Variants in ASTN1 observed in about 807,000 individuals in gnomAD.
ASTN1 encodes astrotactin 1, also known as astrotactin-1.
In ASTN1, 41 loss-of-function variants were observed where a neutral mutation model predicts 140.7. The ratio of observed to expected loss-of-function variants is 0.29; its 90% CI spans 0.23 to 0.38. The LOEUF (loss-of-function observed/expected upper bound fraction) is 0.38. ASTN1 is among the 10% of genes least tolerant of loss of function. ASTN1 has a pLI of 1.00. For synonymous variants in ASTN1, 640 were observed against 652.2 expected (o/e 0.98, Z 0.29); for missense variants, 1,479 against 1,678.8 (o/e 0.88, Z 2.08).
At chr1:176,942,915 T>C (rs1434315258) in intron 14 of ASTN1, among the ~76,000 whole-genome samples, 3 of 138,204 alleles carry the variant, frequency 2.2e-5, no homozygotes, top group Non-Finnish European at 4.7e-5. Flanking sequence ...AGCTGTGCCC[T>C]TACCACCTTG....
intron 8 of ASTN1, among the ~76,000 whole-genome samples, chr1:176,989,984 T>A (rs1674083873): frequency 6.6e-6 from 1 of 152,070 alleles, no homozygotes; most frequent in African/African-American, 2.4e-5. Context: ...GAGTTCTGAC[T>A]CTCAGTGGAT....
intron 11 of ASTN1, among the ~76,000 whole-genome samples, chr1:176,952,576 G>C (rs553569612): frequency 6.6e-6 from 1 of 152,028 alleles, no homozygotes; most frequent in Non-Finnish European, 1.5e-5. Flanking sequence ...AGTTTCCTAA[G>C]GTATAAATTT....
At chr1:177,114,112 A>G (rs1452365546) in intron 1 of ASTN1, among the ~76,000 whole-genome samples, 1 of 152,182 alleles carries the variant, frequency 6.6e-6, no homozygotes, top group East Asian at 1.9e-4. Flanking sequence ...GACTAGATGC[A>G]CAGGCTTTGG....
At chr1:177,032,987 GCATCATT>G (rs1469728749) in intron 2 of ASTN1, 138 bp from the exon 3 acceptor site, 14 of 1,078,938 alleles carry the variant, frequency 1.3e-5, no homozygotes, top group Non-Finnish European at 1.7e-5. Context: ...TTTACAGCAA[GCATCATT>G]CAGCAGCAAA....
At chr1:176,890,311 A>G (rs1044715844) in intron 17 of ASTN1, among the ~76,000 whole-genome samples, 1 of 152,230 alleles carries the variant, frequency 6.6e-6, no homozygotes, top group African/African-American at 2.4e-5. Context: ...CTCTATGAGG[A>G]TGCAACTTTT....
intron 16 of ASTN1, among the ~76,000 whole-genome samples, chr1:176,916,006 T>C (rs549221363): frequency 9.2e-5 from 14 of 152,340 alleles, no homozygotes; most frequent in Admixed American, 3.9e-4. Flanking sequence ...TTCACCCATG[T>C]CCCTGGTTTA....
chr1:177,014,700 T>G, intron 8 of ASTN1, 91 bp downstream of exon 8: 1 of 1,220,460 alleles, frequency 8.2e-7, no homozygotes, highest in East Asian at 2.4e-5. Flanking sequence ...ACCCTTTAGC[T>G]CTATTCCTCT....
In ASTN1 at chr1:176,883,102, C is replaced by T. The variant is rs1668879013; in HGVS notation, c.3227-108G>A. 16 of 1,453,388 alleles carry T rather than the reference C, an allele frequency of 1.1e-5. No homozygotes were observed. The South Asian group carries it at 2.0e-4, about 18-fold the overall frequency. The allele number at this position is 1,453,388 out of a possible 1,614,324, so 90.0% of individuals were successfully genotyped here. A position where few individuals can be genotyped will look rare whatever the true frequency, so the allele number is the denominator to read the frequency against. On this transcript the variant is annotated intron_variant, in intron 19 of 22. Transcript: ENST00000361833. ...CTTAACATGACAATGATTTGGTCCT[C>T]AATCTCTAGAGTAGAGAAGGAGACT...
chr1:176,873,707 AC>A (rs1668445131), intron 21 of ASTN1, among the ~76,000 whole-genome samples: 1 of 152,164 alleles, frequency 6.6e-6, no homozygotes, highest in Admixed American at 6.5e-5. Context: ...TTCTGGATTT[AC>A]CTGCACAGGA....
At chr1:177,011,570 CACACACACACAA>C (rs1340155184) in intron 8 of ASTN1, among the ~76,000 whole-genome samples, 1 of 151,856 alleles carries the variant, frequency 6.6e-6, no homozygotes, top group Non-Finnish European at 1.5e-5. Context: ...CATACACACA[CACACACACACAA>C]ACACACACAT....
At chr1:176,897,201 G>C (rs1179263664) in intron 16 of ASTN1, among the ~76,000 whole-genome samples, 2 of 148,446 alleles carry the variant, frequency 1.3e-5, no homozygotes, top group Non-Finnish European at 3.0e-5. Flanking sequence ...CTTGAACTCG[G>C]CAGGTGGAGG....
chr1:177,121,183 A>C (rs1681366337), intron 1 of ASTN1, among the ~76,000 whole-genome samples: 1 of 152,144 alleles, frequency 6.6e-6, no homozygotes, highest in Non-Finnish European at 1.5e-5. Context: ...AGGACACCAA[A>C]TATCATCATA....
At chr1:177,085,695 C>A (rs1380874254) in intron 1 of ASTN1, among the ~76,000 whole-genome samples, 1 of 152,138 alleles carries the variant, frequency 6.6e-6, no homozygotes, top group Non-Finnish European at 1.5e-5. Context: ...GTCAGTTGGC[C>A]AGAATAATGC....
chr1:177,007,418 A>T (rs1675052897), intron 8 of ASTN1, among the ~76,000 whole-genome samples: 1 of 152,068 alleles, frequency 6.6e-6, no homozygotes, highest in South Asian at 2.1e-4. Context: ...AAATGCAAGG[A>T]TCTTTAAAGC....
chr1:176,917,903 C>T (rs560923746), intron 16 of ASTN1, among the ~76,000 whole-genome samples: 11 of 152,212 alleles, frequency 7.2e-5, no homozygotes, highest in South Asian at 2.1e-4. Context: ...CACAGGGTGG[C>T]GAGAAAAACA....
intron 1 of ASTN1, among the ~76,000 whole-genome samples, chr1:177,123,608 T>C (rs1227477534): frequency 1.3e-5 from 2 of 152,126 alleles, no homozygotes; most frequent in African/African-American, 4.8e-5. Context: ...GAACCTCACA[T>C]TCCTATCTGG....
intron 20 of ASTN1, among the ~76,000 whole-genome samples, chr1:176,882,377 C>T (rs928174639): frequency 6.6e-6 from 1 of 152,192 alleles, no homozygotes; most frequent in South Asian, 2.1e-4. Context: ...TCTGCCTCTG[C>T]CCTACTAGAC....
chr1:177,127,813 A>C (rs1206371139), intron 1 of ASTN1, among the ~76,000 whole-genome samples: 1 of 152,210 alleles, frequency 6.6e-6, no homozygotes, highest in African/African-American at 2.4e-5. Context: ...TGATTTATTT[A>C]AACAGTTTGT....
chr1:176,981,968 G>A (rs1673640433), intron 8 of ASTN1, among the ~76,000 whole-genome samples: 2 of 152,152 alleles, frequency 1.3e-5, no homozygotes, highest in Non-Finnish European at 2.9e-5. Flanking sequence ...CTGTTACATT[G>A]TGCCAAATAA....
Sources: gnomAD v4.1 joint callset for allele counts (sites outside exome capture counted in the v4.1 genomes callset) on GRCh38, gnomAD v4.1.1 for gene constraint, MANE v1.5 for transcripts, NCBI Gene and HGNC (gene_info 2026-07-23, HGNC 2026-07-21) for gene names.